The following TBC1D32 variants were observed in gnomAD, a reference collection of about 807,000 sequenced individuals.
TBC1D32 encodes the protein TBC1 domain family member 32, also known as protein broad-minded.
A neutral mutation model predicts 170.3 loss-of-function variants in TBC1D32; 151 were observed. The observed-to-expected ratio is 0.89, with a 90% CI of 0.78 to 1.01. The LOEUF is 1.01. Ranked by LOEUF, TBC1D32 falls within the 50% of genes least tolerant of loss-of-function variation. TBC1D32 has a pLI of 0.00. For missense variants in TBC1D32, 1,464 were observed against 1,457.1 expected, an observed-to-expected ratio of 1.00 and a Z score of -0.08; for synonymous variants, 498 against 488.0, an observed-to-expected ratio of 1.02 and a Z score of -0.27.
chr6:121,205,118 G>A lies in TBC1D32; in HGVS notation c.2527C>T (p.Arg843Cys), dbSNP rs185093433. Residue 843 changes from arginine (R) to cysteine (C), a missense_variant, in exon 22 of 32, where the codon CGT becomes TGT. Arg to Cys is a radical substitution (Grantham distance 180, BLOSUM62 -3). Around this residue, in one of 3 missense-constraint regions of TBC1D32, gnomAD observed 1,363 missense variants for 1,338.1 expected, o/e 1.02. Transcript: ENST00000398212. ...LIILNSEAKIRSLFNYEQSHI... is the reference protein window; with the variant it reads ...LIILNSEAKICSLFNYEQSHI... ...GATTGTTCATAGTTGAATAAAGAAC[G>A]AATCTTAGCTTCAGAATTCAAAATT... 197 of 1,531,706 alleles carry A rather than the reference G, an allele frequency of 1.3e-4. No homozygotes were observed. Among genetic ancestry groups the A allele is most frequent in the Admixed American group, 4.1e-4 (20 of 49,180 alleles). 94.9% of individuals were successfully genotyped at this position (1,531,706 alleles called of 1,614,324 possible).
In TBC1D32 at chr6:121,115,169, T is replaced by C. The variant is rs1779571405; in HGVS notation, c.3053+3A>G. 2.5e-6 allele frequency: 4 copies of C among 1,592,772 alleles called. No homozygotes were observed. Among genetic ancestry groups the C allele is most frequent in the African/African-American group, 1.3e-5 (1 of 74,434 alleles). ...ACAAGGGAGCTATTTCCCTATAATA[T>C]ACCTGACAGTCATTTTAATGCCAAG... On this transcript the variant is annotated splice_donor_region_variant and intron_variant, in intron 27 of 31. Transcript: ENST00000398212.
At chr6:121,211,415 C>T (rs1325236577) in intron 21 of TBC1D32, among the ~76,000 whole-genome samples, 1 of 152,002 alleles carries the variant, frequency 6.6e-6, no homozygotes, top group Non-Finnish European at 1.5e-5. Context: ...AACCCATCAC[C>T]CAAGCAGTGT....
intron 24 of TBC1D32, among the ~76,000 whole-genome samples, chr6:121,157,084 T>C (rs1784996189): frequency 6.6e-6 from 1 of 152,160 alleles, no homozygotes; most frequent in African/African-American, 2.4e-5. Context: ...GCCTCAGTGA[T>C]CTGCCTAATG....
intron 24 of TBC1D32, among the ~76,000 whole-genome samples, chr6:121,143,980 T>C (rs978075435): frequency 5.9e-5 from 9 of 152,276 alleles, no homozygotes; most frequent in Admixed American, 3.9e-4. Flanking sequence ...ACTAAATCCC[T>C]GTAAAAATAT....
intron 25 of TBC1D32, among the ~76,000 whole-genome samples, chr6:121,131,001 T>C (rs754902818): frequency 3.3e-4 from 50 of 152,102 alleles, no homozygotes; most frequent in Admixed American, 7.9e-4. Flanking sequence ...ATGAAAACTA[T>C]AAAGCATTGC....
intron 22 of TBC1D32, among the ~76,000 whole-genome samples, chr6:121,161,809 A>C (rs1249625726): frequency 1.3e-5 from 2 of 152,226 alleles, no homozygotes; most frequent in Non-Finnish European, 2.9e-5. Context: ...ACAGTGTAAA[A>C]GCATTCTTTT....
intron 24 of TBC1D32, among the ~76,000 whole-genome samples, chr6:121,157,911 C>A (rs1785117328): frequency 6.6e-6 from 1 of 151,994 alleles, no homozygotes; most frequent in Non-Finnish European, 1.5e-5. Flanking sequence ...GTGACCCAAC[C>A]TTTCTCTCTA....
rs575391878 is a variant in TBC1D32, at chr6:121,160,873, G to A, written c.2679+75C>T. 523 of 1,107,194 alleles carry A rather than the reference G, an allele frequency of 4.7e-4. 5 individuals carry two copies. In the South Asian group the frequency reaches 6.3e-3, roughly 13 times the overall value. 68.6% of individuals were successfully genotyped at this position (1,107,194 alleles called of 1,614,324 possible). A position where few individuals can be genotyped will look rare whatever the true frequency, so the allele number is the denominator to read the frequency against. Reference sequence around the variant, plus strand: ...AGACATTTAAGAGGTAAAGTTTAGGGTGACTTTGAGTTGGCTATCTTGCTT... The same window carrying A: ...AGACATTTAAGAGGTAAAGTTTAGGATGACTTTGAGTTGGCTATCTTGCTT... On this transcript the variant is annotated intron_variant, in intron 23 of 31. Coordinates refer to ENST00000398212, the MANE Select transcript of TBC1D32 (RefSeq NM_152730.6).
At chr6:121,257,756 T>C (rs115194016) in intron 15 of TBC1D32, among the ~76,000 whole-genome samples, 1,876 of 152,116 alleles carry the variant, frequency 0.012, 39 homozygotes, top group African/African-American at 0.043. Context: ...TGTCAATCCA[T>C]TGCAGTCATT....
chr6:121,194,486 C>G (rs1562854624), intron 22 of TBC1D32, among the ~76,000 whole-genome samples: 1 of 152,216 alleles, frequency 6.6e-6, no homozygotes, highest in Non-Finnish European at 1.5e-5. Context: ...TCCCATCTGG[C>G]CTGTGCAGAA....
intron 22 of TBC1D32, among the ~76,000 whole-genome samples, chr6:121,174,404 C>T (rs1787473422): frequency 6.6e-6 from 1 of 151,924 alleles, no homozygotes; most frequent in Non-Finnish European, 1.5e-5. Context: ...ACAATATGTC[C>T]CAGAGTAAAC....
At chr6:121,303,456 G>T (rs954842859) in intron 9 of TBC1D32, among the ~76,000 whole-genome samples, 161 bp downstream of exon 9, 1 of 152,016 alleles carries the variant, frequency 6.6e-6, no homozygotes. Context: ...AAAAATGGGG[G>T]TATTAATACC....
intron 15 of TBC1D32, among the ~76,000 whole-genome samples, chr6:121,275,598 T>C (rs1038625489): frequency 6.6e-6 from 1 of 152,148 alleles, no homozygotes; most frequent in Non-Finnish European, 1.5e-5. Flanking sequence ...AAACTGATTA[T>C]GCAGTCCTGA....
At chr6:121,205,213 G>C in intron 21 of TBC1D32, 50 bp from the exon 22 acceptor site, 2 of 923,072 alleles carry the variant, frequency 2.2e-6, no homozygotes, top group Non-Finnish European at 3.2e-6. Context: ...ATCATTTAAA[G>C]AAAATTAAGT....
intron 26 of TBC1D32, among the ~76,000 whole-genome samples, chr6:121,116,381 T>G (rs1440412764): frequency 2.0e-5 from 3 of 152,106 alleles, no homozygotes; most frequent in Non-Finnish European, 4.4e-5. Flanking sequence ...TAGATAACTC[T>G]GATAAAGGTA....
intron 12 of TBC1D32, 127 bp downstream of exon 12, chr6:121,291,926 C>A: frequency 1.0e-6 from 1 of 991,358 alleles, no homozygotes; most frequent in Non-Finnish European, 1.4e-6. Context: ...TATAAGCTAT[C>A]AATAGACTAA....
chr6:121,150,442 C>T (rs1784066088), intron 24 of TBC1D32, among the ~76,000 whole-genome samples: 1 of 152,176 alleles, frequency 6.6e-6, no homozygotes. Flanking sequence ...CGATGTTCAT[C>T]AAGGATATTG....
At chr6:121,204,857 C>T (rs1410530576) in intron 22 of TBC1D32, among the ~76,000 whole-genome samples, 3 of 152,042 alleles carry the variant, frequency 2.0e-5, no homozygotes, top group African/African-American at 7.2e-5. Flanking sequence ...ATGGGAGACA[C>T]TATAATAATA....
chr6:121,292,110 A>G lies in TBC1D32; in HGVS notation c.1315T>C (p.Leu439=), dbSNP rs772373147. ...FIHSLCLLGR[L]LIYKQGRKLF... Reference sequence around the variant, plus strand: ...TTTCTGCCTTGTTTATAGATCAATAATCTTCCTAAAAGGCACAGTGAGTGA... The same window carrying G: ...TTTCTGCCTTGTTTATAGATCAATAGTCTTCCTAAAAGGCACAGTGAGTGA... The change falls in exon 12 of 32, where the codon TTA becomes CTA. Residue 439 remains leucine, a synonymous_variant. Coordinates refer to ENST00000398212, the MANE Select transcript of TBC1D32 (RefSeq NM_152730.6). 6.2e-7 allele frequency: 1 copy of G among 1,603,238 alleles called. No individual in the cohort carries two copies. The highest frequency in any genetic ancestry group is 1.1e-5 in the South Asian group (1 of 88,294).
Sources: gnomAD v4.1 joint callset for allele counts (sites outside exome capture counted in the v4.1 genomes callset) on GRCh38, gnomAD v4.1.1 for gene constraint, gnomAD v4.1.1 regional missense constraint, MANE v1.5 for transcripts, NCBI Gene and HGNC (gene_info 2026-07-23, HGNC 2026-07-21) for gene names.